The following PTPRG variants were observed in gnomAD, a reference collection of about 807,000 sequenced individuals.
PTPRG encodes receptor-type tyrosine-protein phosphatase gamma.
PTPRG carries 102 observed loss-of-function variants against 165.3 expected under a neutral mutation model. The ratio of observed to expected loss-of-function variants is 0.62; its 90% confidence interval spans 0.53 to 0.73. PTPRG has a LOEUF of 0.73. Among genes scored for constraint, PTPRG ranks in the 30% least tolerant of loss-of-function variants. The pLI is 0.00. For missense variants in PTPRG, 1,866 were observed against 1,861.4 expected (o/e 1.00, Z -0.05); for synonymous variants, 675 against 669.5 (o/e 1.01, Z -0.13).
intron 28 of PTPRG, among the ~76,000 whole-genome samples, chr3:62,287,370 CAG>C (rs1292121017): frequency 2.0e-5 from 3 of 152,080 alleles, no homozygotes; most frequent in East Asian, 1.9e-4. Flanking sequence ...CACAATAAAT[CAG>C]AGTTAATAGA....
intron 4 of PTPRG, among the ~76,000 whole-genome samples, chr3:62,060,176 C>T (rs1700761489): frequency 6.7e-6 from 1 of 148,154 alleles, no homozygotes; most frequent in Non-Finnish European, 1.5e-5. Context: ...CACACCACCG[C>T]ACTCTAGCCT....
At chr3:62,246,220 G>A (rs1701287357) in intron 15 of PTPRG, among the ~76,000 whole-genome samples, 2 of 152,132 alleles carry the variant, frequency 1.3e-5, no homozygotes, top group Non-Finnish European at 2.9e-5. Flanking sequence ...GCTGTAACAC[G>A]TTTGTAAAGA....
chr3:61,761,777 G>C (rs2033843415), intron 2 of PTPRG, among the ~76,000 whole-genome samples: 1 of 152,060 alleles, frequency 6.6e-6, no homozygotes, highest in African/African-American at 2.4e-5. Flanking sequence ...GCCTTTTTCT[G>C]GGGGAGGAAA....
At chr3:61,622,582 A>G (rs1203729747) in intron 1 of PTPRG, among the ~76,000 whole-genome samples, 4 of 152,200 alleles carry the variant, frequency 2.6e-5, no homozygotes, top group African/African-American at 9.7e-5. Flanking sequence ...AGGATTTACA[A>G]ATCTTGTAAA....
chr3:61,612,621 G>C (rs1309505540), intron 1 of PTPRG, among the ~76,000 whole-genome samples: 1 of 152,116 alleles, frequency 6.6e-6, no homozygotes, highest in Non-Finnish European at 1.5e-5. Flanking sequence ...AGCCTATTTT[G>C]TTCCTCTGTT....
At chr3:61,909,244 C>T (rs2038738415) in intron 2 of PTPRG, among the ~76,000 whole-genome samples, 1 of 152,216 alleles carries the variant, frequency 6.6e-6, no homozygotes, top group African/African-American at 2.4e-5. Context: ...GTACAAGTTA[C>T]ATAAGCGTTT....
At chr3:61,791,203 C>G (rs2034857679) in intron 2 of PTPRG, among the ~76,000 whole-genome samples, 1 of 152,162 alleles carries the variant, frequency 6.6e-6, no homozygotes, top group Admixed American at 6.5e-5. Context: ...TTTTGAGAAG[C>G]AAGAAACTGT....
At chr3:61,650,672 T>C (rs967945892) in intron 1 of PTPRG, among the ~76,000 whole-genome samples, 1 of 152,248 alleles carries the variant, frequency 6.6e-6, no homozygotes, top group Non-Finnish European at 1.5e-5. Context: ...GAAGATTTAA[T>C]CAAATACACA....
At chr3:62,272,054 A>G (rs1377414797) in intron 21 of PTPRG, among the ~76,000 whole-genome samples, 1 of 152,098 alleles carries the variant, frequency 6.6e-6, no homozygotes, top group Non-Finnish European at 1.5e-5. Flanking sequence ...GTGTTCACAT[A>G]ACTGCACTCC....
chr3:62,110,910 T>C (rs936004447), intron 5 of PTPRG, among the ~76,000 whole-genome samples: 3 of 152,164 alleles, frequency 2.0e-5, no homozygotes, highest in Non-Finnish European at 4.4e-5. Flanking sequence ...ACTTTGGGGC[T>C]TTAGGAGGCA....
chr3:61,998,016 C>A (rs1436871366), intron 3 of PTPRG, among the ~76,000 whole-genome samples: 1 of 152,164 alleles, frequency 6.6e-6, no homozygotes, highest in African/African-American at 2.4e-5. Context: ...TAGTAAGCTG[C>A]TAGTTTTCCT....
At chr3:62,174,643 C>T (rs1318535903) in intron 8 of PTPRG, among the ~76,000 whole-genome samples, 1 of 152,152 alleles carries the variant, frequency 6.6e-6, no homozygotes, top group Non-Finnish European at 1.5e-5. Context: ...AAATCCATGA[C>T]TGGTTTAAAA....
At chr3:61,809,379 C>T (rs1255801840) in intron 2 of PTPRG, among the ~76,000 whole-genome samples, 1 of 151,970 alleles carries the variant, frequency 6.6e-6, no homozygotes, top group Non-Finnish European at 1.5e-5. Flanking sequence ...AGACATTGCC[C>T]ATGAAACAGT....
intron 2 of PTPRG, among the ~76,000 whole-genome samples, chr3:61,848,366 TTG>T (rs1334162725): frequency 6.6e-6 from 1 of 152,206 alleles, no homozygotes; most frequent in East Asian, 1.9e-4. Flanking sequence ...GGAAAGCACT[TTG>T]TGTGCCTGAC....
At chr3:61,752,678 C>T (rs554755600) in intron 2 of PTPRG, among the ~76,000 whole-genome samples, 2 of 146,648 alleles carry the variant, frequency 1.4e-5, no homozygotes, top group African/African-American at 5.0e-5. Context: ...CCCAGCTACT[C>T]GGGAGGCTGA....
intron 1 of PTPRG, among the ~76,000 whole-genome samples, chr3:61,649,047 T>C (rs1257263883): frequency 6.6e-6 from 1 of 152,132 alleles, no homozygotes; most frequent in Non-Finnish European, 1.5e-5. Flanking sequence ...AGTGTTAACT[T>C]TGGGTTTGTC....
At chr3:61,850,168 A>T (rs984754719) in intron 2 of PTPRG, among the ~76,000 whole-genome samples, 1 of 151,552 alleles carries the variant, frequency 6.6e-6, no homozygotes, top group Non-Finnish European at 1.5e-5. Context: ...ATTTATTTTT[A>T]TTTTTTATTT....
In PTPRG at chr3:62,243,822, T is replaced by G; in HGVS notation, c.2391T>G (p.Thr797=). The G allele has an allele frequency of 1.3e-6, 2 of 1,587,532 alleles. No individual in the cohort carries two copies. The highest frequency in any genetic ancestry group is 3.4e-5 in the Admixed American group (2 of 59,442). The change falls in exon 15 of 30, where the codon ACT becomes ACG. Residue 797 remains threonine, a synonymous_variant. Transcript: ENST00000474889. ...GEKGSRKCFQ[T]AHFYVEDSSS... is the part of the protein sequence containing the mutation. ...TTCTACACAGAAAATGTTTTCAGAC[T>G]GCTCATTTCTATGTGGAAGACAGCA...
chr3:62,188,284 A>G (rs538882410), intron 8 of PTPRG, among the ~76,000 whole-genome samples: 22 of 152,134 alleles, frequency 1.4e-4, no homozygotes, highest in Admixed American at 2.6e-4. Context: ...CTGAGGTGGG[A>G]GGCTTACTTG....
Sources: allele counts gnomAD v4.1 joint callset (sites outside exome capture counted in the v4.1 genomes callset), GRCh38; gene constraint gnomAD v4.1.1; transcripts MANE v1.5; gene names NCBI Gene and HGNC (gene_info 2026-07-23, HGNC 2026-07-21).